TTLL4: variants seen among roughly 807,000 people sequenced by gnomAD.
TTLL4 encodes tubulin tyrosine ligase like 4.
A neutral mutation model predicts 122.7 loss-of-function variants in TTLL4; 85 were observed. The ratio of observed to expected loss-of-function variants is 0.69; its 90% CI spans 0.58 to 0.83. The LOEUF is 0.83. Among genes scored for constraint, TTLL4 ranks in the 40% least tolerant of loss-of-function variants. The pLI, the probability that TTLL4 is intolerant of heterozygous loss-of-function variation, is 0.00. For missense variants in TTLL4, 1,363 were observed against 1,488.6 expected (o/e 0.92, Z 1.39); for synonymous variants, 553 against 563.0 (o/e 0.98, Z 0.25).
In TTLL4 at chr2:218,748,740, G is replaced by A. The variant is rs972658359; in HGVS notation, c.2502-96G>A. The A allele has an allele frequency of 3.1e-6, 3 of 954,376 alleles. No individual in the cohort carries two copies. The African/African-American group carries it at 5.1e-5, about 16-fold the overall frequency. 59.1% of individuals were successfully genotyped at this position (954,376 alleles called of 1,614,324 possible). ...TTTAAACTGCGAAAGGAAGAGATATGAAGAAAATACCATTAGGTCTCTTCT... is the reference window on the plus strand; with the variant it reads ...TTTAAACTGCGAAAGGAAGAGATATAAAGAAAATACCATTAGGTCTCTTCT... On this transcript the variant is annotated intron_variant, in intron 12 of 19. Transcript: ENST00000392102.
intron 3 of TTLL4, 100 bp from the exon 4 acceptor site, chr2:218,739,958 G>T: frequency 9.0e-7 from 1 of 1,105,848 alleles, no homozygotes; most frequent in Non-Finnish European, 1.3e-6. Context: ...GATTGGTAAT[G>T]GAGAAGGGGC....
chr2:218,740,720 T>G, intron 5 of TTLL4, 136 bp downstream of exon 5: 1 of 1,021,046 alleles, frequency 9.8e-7, no homozygotes, highest in Non-Finnish European at 1.5e-6. Flanking sequence ...GTTTGCGACT[T>G]TAGTTTTTGA....
chr2:218,732,869 A>G (rs1178193766), intron 2 of TTLL4, among the ~76,000 whole-genome samples: 1 of 152,212 alleles, frequency 6.6e-6, no homozygotes, highest in Non-Finnish European at 1.5e-5. Context: ...TGTTTTTAGC[A>G]ACCATCATTT....
intron 17 of TTLL4, 33 bp downstream of exon 17, chr2:218,753,006 G>GT: frequency 6.2e-7 from 1 of 1,614,038 alleles, no homozygotes; most frequent in Non-Finnish European, 8.5e-7. Context: ...AGAAAGCCAA[G>GT]TTTAGTGAGA....
At chr2:218,728,219 A>G (rs2106410254) in intron 2 of TTLL4, among the ~76,000 whole-genome samples, 1 of 152,180 alleles carries the variant, frequency 6.6e-6, no homozygotes, top group East Asian at 1.9e-4. Context: ...TGTGCACTCT[A>G]TTTCTGTAAA....
intron 1 of TTLL4, among the ~76,000 whole-genome samples, chr2:218,721,512 A>T (rs1165073003): frequency 2.0e-5 from 3 of 152,244 alleles, no homozygotes; most frequent in Admixed American, 6.5e-5. Context: ...AAATAGTGTC[A>T]GAATTGAATT....
intron 2 of TTLL4, chr2:218,728,172 C>T (rs1028636927): frequency 1.3e-4 from 19 of 151,940 alleles, no homozygotes; most frequent in African/African-American, 4.6e-4. Context: ...GTGGGGGAGG[C>T]GATGGTTTGG....
chr2:218,737,690 G>A lies in TTLL4; in HGVS notation c.14G>A (p.Gly5Glu). The change falls in exon 3 of 20, where the codon GGA becomes GAA. Residue 5 changes from glycine (G) to glutamate (E), a missense_variant. Gly to Glu is a moderately conservative substitution (Grantham distance 98, BLOSUM62 -2). This residue lies in a region of TTLL4 where 760 missense variants were observed against 808.4 expected (regional missense o/e 0.94). Coordinates refer to ENST00000392102, the MANE Select transcript of TTLL4 (RefSeq NM_014640.5). MASA[G>E]TQHYSIGLRQ... ...TGTGGGCCCCTCATGGCCTCAGCAGGAACACAGCACTATAGTATTGGCCTC... is the reference window on the plus strand; with the variant it reads ...TGTGGGCCCCTCATGGCCTCAGCAGAAACACAGCACTATAGTATTGGCCTC... The A allele has an allele frequency of 6.2e-7, 1 of 1,601,018 alleles. No homozygotes were observed. Among genetic ancestry groups the A allele is most frequent in the African/African-American group, 1.3e-5 (1 of 74,650 alleles).
intron 1 of TTLL4, among the ~76,000 whole-genome samples, chr2:218,724,593 A>G (rs1942134634): frequency 6.6e-6 from 1 of 152,184 alleles, no homozygotes; most frequent in African/African-American, 2.4e-5. Context: ...TGTTGCTGCA[A>G]ATGATGGGAG....
At chr2:218,744,202 A>G (rs778513794) in intron 5 of TTLL4, among the ~76,000 whole-genome samples, 18 of 152,186 alleles carry the variant, frequency 1.2e-4, no homozygotes, top group Non-Finnish European at 2.4e-4. Flanking sequence ...TACAGTGCCT[A>G]TTTCTGTTGT....
At chr2:218,732,515 C>G (rs1235861658) in intron 2 of TTLL4, among the ~76,000 whole-genome samples, 1 of 152,164 alleles carries the variant, frequency 6.6e-6, no homozygotes, top group Non-Finnish European at 1.5e-5. Flanking sequence ...GGCTTGATGA[C>G]TTTGCTGAAA....
intron 15 of TTLL4, among the ~76,000 whole-genome samples, chr2:218,751,126 A>T (rs2106460578): frequency 6.6e-6 from 1 of 152,138 alleles, no homozygotes; most frequent in South Asian, 2.1e-4. Flanking sequence ...CTGATAACAA[A>T]ACTTACTTTC....
chr2:218,713,970 C>T (rs189830604), intron 1 of TTLL4, among the ~76,000 whole-genome samples: 1 of 152,276 alleles, frequency 6.6e-6, no homozygotes, highest in East Asian at 1.9e-4. Context: ...TTTCAGTGAC[C>T]ATGTGGGTGG....
rs757236209 is a variant in TTLL4, at chr2:218,749,294, G to A, written c.2642G>A (p.Arg881Gln). The change falls in exon 14 of 20, where the codon CGA becomes CAA. Residue 881 changes from arginine (R) to glutamine (Q), a missense_variant. By Grantham distance (43) the Arg-to-Gln change is conservative (BLOSUM62 1). Around this residue, in one of 3 missense-constraint regions of TTLL4, gnomAD observed 596 missense variants for 655.8 expected, o/e 0.91. Coordinates refer to ENST00000392102, the MANE Select transcript of TTLL4 (RefSeq NM_014640.5). ...YVTSLLKMYVRRPYSCHELFG... is the reference protein window; with the variant it reads ...YVTSLLKMYVQRPYSCHELFG... Reference sequence around the variant, plus strand: ...ACCAGCCTGCTCAAGATGTATGTGCGACGGCCCTATAGCTGCCATGAACTC... The same window carrying A: ...ACCAGCCTGCTCAAGATGTATGTGCAACGGCCCTATAGCTGCCATGAACTC... 9.9e-6 allele frequency: 16 copies of A among 1,613,998 alleles called. No individual in the cohort carries two copies. The highest frequency in any genetic ancestry group is 9.9e-5 in the South Asian group (9 of 91,084).
intron 2 of TTLL4, chr2:218,736,183 C>T (rs1942517426): frequency 6.6e-6 from 1 of 151,950 alleles, no homozygotes; most frequent in African/African-American, 2.4e-5. Context: ...CGATGTTGCC[C>T]AGTATGGTCT....
At chr2:218,749,581 C>T (rs374491805) in intron 14 of TTLL4, among the ~76,000 whole-genome samples, 194 bp downstream of exon 14, 54 of 152,238 alleles carry the variant, frequency 3.5e-4, no homozygotes, top group Middle Eastern at 6.8e-3. Context: ...AGTTCTCCTG[C>T]CTCAGCCTCC....
At chr2:218,758,210 A>G (rs1943187492), downstream of TTLL4, among the ~76,000 whole-genome samples, 2 of 152,220 alleles carry the variant, frequency 1.3e-5, no homozygotes, top group Admixed American at 6.5e-5. Flanking sequence ...GGTTTTCTAA[A>G]ACCCATCTGT....
downstream of TTLL4, among the ~76,000 whole-genome samples, chr2:218,755,907 C>T (rs75676560): frequency 3.7e-3 from 558 of 152,206 alleles, 1 homozygote; most frequent in South Asian, 9.5e-3. Context: ...GGTGTTTGGC[C>T]GGTCCTAAGG....
At chr2:218,749,534 T>C in intron 14 of TTLL4, 147 bp downstream of exon 14, 1 of 1,253,902 alleles carries the variant, frequency 8.0e-7, no homozygotes, top group South Asian at 1.6e-5. Flanking sequence ...AGTGGCGCAA[T>C]CTTGGCTTAC....
Sources: allele counts gnomAD v4.1 joint callset (sites outside exome capture counted in the v4.1 genomes callset), GRCh38; gene constraint gnomAD v4.1.1; regional missense constraint gnomAD v4.1.1; transcripts MANE v1.5; gene names NCBI Gene and HGNC (gene_info 2026-07-23, HGNC 2026-07-21).